Variants in ADARB2 observed in about 807,000 individuals in gnomAD.
The protein encoded by ADARB2 is inactive double-stranded RNA-specific editase B2.
A neutral mutation model predicts 62.2 loss-of-function variants in ADARB2; 25 were observed. The observed-to-expected ratio is 0.40, with a 90% confidence interval of 0.29 to 0.56. ADARB2 has a LOEUF of 0.56. Ranked by LOEUF, ADARB2 falls within the 20% of genes least tolerant of loss-of-function variation. The pLI is 0.43. For missense variants in ADARB2, 1,071 were observed against 1,077.4 expected, an observed-to-expected ratio of 0.99 and a Z score of 0.08; for synonymous variants, 572 against 500.8, an observed-to-expected ratio of 1.14 and a Z score of -1.90.
chr10:1,602,646 A>G (rs1833431481), intron 1 of ADARB2, among the ~76,000 whole-genome samples: 1 of 134,320 alleles, frequency 7.4e-6, no homozygotes, highest in Non-Finnish European at 1.7e-5. Context: ...ACATATGCAC[A>G]CACACCTGTA....
intron 1 of ADARB2, among the ~76,000 whole-genome samples, chr10:1,518,203 G>A (rs774006392): frequency 6.6e-6 from 1 of 152,220 alleles, no homozygotes; most frequent in Non-Finnish European, 1.5e-5. Flanking sequence ...GGCCGCATGA[G>A]CTTCGGTCTC....
chr10:1,701,679 G>A (rs1203190939), intron 1 of ADARB2, among the ~76,000 whole-genome samples: 1 of 43,974 alleles, frequency 2.3e-5, no homozygotes, highest in Non-Finnish European at 4.4e-5. Context: ...CCAGGCGCTC[G>A]TCAATACACT....
In ADARB2 at chr10:1,353,144, C is replaced by T. The variant is rs189111711; in HGVS notation, c.1077+9884G>A. ...CTACACATCAAGCACGGGGATTGGC[C>T]CCCGCCTAGGACTGGCAACTCTTAA... On this transcript the variant is annotated intron_variant, in intron 3 of 9. Transcript: ENST00000381312. Among the ~76,000 whole-genome samples the T allele has an allele frequency of 6.3e-3, 953 of 152,260 alleles. 4 individuals are homozygous for T. Among genetic ancestry groups the T allele is most frequent in the Middle Eastern group, 0.017 (5 of 294 alleles).
At chr10:1,273,349 T>G (rs1006061214) in intron 3 of ADARB2, among the ~76,000 whole-genome samples, 1 of 152,158 alleles carries the variant, frequency 6.6e-6, no homozygotes, top group African/African-American at 2.4e-5. Context: ...CAACCTTGAA[T>G]TTTTGGGCTC....
At chr10:1,250,735 AC>A (rs1831030849) in intron 4 of ADARB2, among the ~76,000 whole-genome samples, 1 of 152,202 alleles carries the variant, frequency 6.6e-6, no homozygotes, top group African/African-American at 2.4e-5. Context: ...CACAAAATGA[AC>A]TAAGATAGTT....
At chr10:1,457,017 C>T (rs1831104062) in intron 1 of ADARB2, among the ~76,000 whole-genome samples, 2 of 139,508 alleles carry the variant, frequency 1.4e-5, no homozygotes, top group Admixed American at 6.8e-5. Flanking sequence ...GCCTCGGCCT[C>T]CCAAAGTGCT....
At chr10:1,392,613 A>G (rs772390591) in intron 1 of ADARB2, among the ~76,000 whole-genome samples, 14 of 152,180 alleles carry the variant, frequency 9.2e-5, no homozygotes, top group Non-Finnish European at 1.8e-4. Context: ...TTTTAGGAGG[A>G]ACATGGGTTT....
At chr10:1,544,956 T>TATACACACATACACACACACAC (rs10526252) in intron 1 of ADARB2, among the ~76,000 whole-genome samples, 3 of 133,848 alleles carry the variant, frequency 2.2e-5, no homozygotes, top group Admixed American at 7.6e-5. Context: ...TAGCAAAGTA[T>TATACACACATACACACACACAC]ACACACACAC....
At chr10:1,414,287 A>G (rs948686316) in intron 1 of ADARB2, among the ~76,000 whole-genome samples, 2 of 152,204 alleles carry the variant, frequency 1.3e-5, no homozygotes, top group Non-Finnish European at 2.9e-5. Context: ...CATAATGTAA[A>G]AGAGTCTTAG....
At chr10:1,234,317 A>G in intron 5 of ADARB2, among the ~76,000 whole-genome samples, 1 of 151,654 alleles carries the variant, frequency 6.6e-6, no homozygotes, top group East Asian at 1.9e-4. Context: ...CACACCCCAT[A>G]GTGTGTCTTT....
chr10:1,636,163 A>C (rs889866521), intron 1 of ADARB2, among the ~76,000 whole-genome samples: 2 of 152,150 alleles, frequency 1.3e-5, no homozygotes, highest in South Asian at 2.1e-4. Flanking sequence ...GGGGGGTGCA[A>C]GACATAAAGC....
intron 1 of ADARB2, among the ~76,000 whole-genome samples, chr10:1,435,179 A>C (rs1038405057): frequency 1.3e-5 from 2 of 152,096 alleles, no homozygotes; most frequent in Non-Finnish European, 2.9e-5. Context: ...GTGGATGCCC[A>C]GGTTACGGGG....
chr10:1,725,177 G>A (rs1835147997), intron 1 of ADARB2, among the ~76,000 whole-genome samples: 2 of 152,236 alleles, frequency 1.3e-5, no homozygotes, highest in South Asian at 4.1e-4. Context: ...CAGGGGCCGC[G>A]TTAACGTGCT....
chr10:1,637,743 C>T (rs905484607), intron 1 of ADARB2, among the ~76,000 whole-genome samples: 2 of 152,160 alleles, frequency 1.3e-5, no homozygotes, highest in Admixed American at 6.5e-5. Flanking sequence ...ATTAATCGCT[C>T]GCAATAATTT....
At chr10:1,340,182 G>T (rs1420393304) in intron 3 of ADARB2, among the ~76,000 whole-genome samples, 1 of 148,816 alleles carries the variant, frequency 6.7e-6, no homozygotes, top group Middle Eastern at 3.2e-3. Flanking sequence ...CCCCACAGCG[G>T]CAATAACCGG....
At chr10:1,643,312 C>T (rs556918884) in intron 1 of ADARB2, among the ~76,000 whole-genome samples, 3 of 152,326 alleles carry the variant, frequency 2.0e-5, no homozygotes, top group Admixed American at 1.3e-4. Flanking sequence ...AAAGTCTCTG[C>T]ACCTATAAAC....
At chr10:1,676,482 G>T (rs1170631791) in intron 1 of ADARB2, among the ~76,000 whole-genome samples, 1 of 152,204 alleles carries the variant, frequency 6.6e-6, no homozygotes, top group African/African-American at 2.4e-5. Context: ...GTGCACCTGA[G>T]AGTGACATAA....
At chr10:1,229,392 G>C (rs1301196271) in intron 6 of ADARB2, among the ~76,000 whole-genome samples, 1 of 152,164 alleles carries the variant, frequency 6.6e-6, no homozygotes, top group African/African-American at 2.4e-5. Flanking sequence ...GCTGCCGGGA[G>C]CCAGCTGCTC....
intron 1 of ADARB2, among the ~76,000 whole-genome samples, chr10:1,617,128 T>C (rs111255334): frequency 0.12 from 12,038 of 98,834 alleles, 1,099 homozygotes; most frequent in African/African-American, 0.16. Flanking sequence ...AGACACACTC[T>C]GCACTGCCCT....
Sources: gnomAD v4.1 joint callset for allele counts (sites outside exome capture counted in the v4.1 genomes callset) on GRCh38, gnomAD v4.1.1 for gene constraint, MANE v1.5 for transcripts, NCBI Gene and HGNC (gene_info 2026-07-23, HGNC 2026-07-21) for gene names.